KCNMA1: variants seen among roughly 807,000 people sequenced by gnomAD.
KCNMA1 encodes potassium calcium-activated channel subfamily M alpha 1.
A neutral mutation model predicts 140.0 loss-of-function variants in KCNMA1; 29 were observed. The observed-to-expected ratio is 0.21, with a 90% confidence interval of 0.15 to 0.28. The LOEUF is 0.28. Among genes scored for constraint, KCNMA1 ranks in the 10% least tolerant of loss-of-function variants. The probability of loss-of-function intolerance (pLI) is 1.00; values close to 1 mark genes in which losing one functional copy is unlikely to be tolerated. For synonymous variants in KCNMA1, 612 were observed against 611.9 expected (o/e 1.00, Z 0.00); for missense variants, 880 against 1,602.2 (o/e 0.55, Z 7.70).
chr10:77,515,167 A>G (rs2154549233), intron 1 of KCNMA1, among the ~76,000 whole-genome samples: 1 of 152,302 alleles, frequency 6.6e-6, no homozygotes, highest in Admixed American at 6.5e-5. Flanking sequence ...TACAGGAGCC[A>G]GCCTGTTACG....
At chr10:77,235,875 G>C (rs1167733912) in intron 3 of KCNMA1, among the ~76,000 whole-genome samples, 1 of 152,158 alleles carries the variant, frequency 6.6e-6, no homozygotes, top group Admixed American at 6.5e-5. Context: ...GCCTTGTCCT[G>C]AGCTTCTGGG....
At chr10:77,081,092 A>C (rs2096554035) in intron 12 of KCNMA1, among the ~76,000 whole-genome samples, 1 of 152,110 alleles carries the variant, frequency 6.6e-6, no homozygotes. Flanking sequence ...CCCAGGCCTC[A>C]CGTGTCCTCC....
At chr10:77,258,145 G>T (rs888354087) in intron 2 of KCNMA1, among the ~76,000 whole-genome samples, 2 of 152,162 alleles carry the variant, frequency 1.3e-5, no homozygotes, top group Non-Finnish European at 2.9e-5. Context: ...ATTATGAGAT[G>T]GGACCTTGGT....
At chr10:77,542,393 T>A (rs1391480710) in intron 1 of KCNMA1, among the ~76,000 whole-genome samples, 1 of 152,200 alleles carries the variant, frequency 6.6e-6, no homozygotes, top group East Asian at 1.9e-4. Context: ...CCCCTCCCTG[T>A]TTCTTAAAGA....
At chr10:77,090,119 G>C (rs1191257669) in intron 10 of KCNMA1, among the ~76,000 whole-genome samples, 1 of 151,602 alleles carries the variant, frequency 6.6e-6, no homozygotes, top group African/African-American at 2.4e-5. Flanking sequence ...GACCCACAAT[G>C]AGCTCCACTA....
chr10:77,101,344 C>A (rs943018267), intron 9 of KCNMA1, among the ~76,000 whole-genome samples: 12 of 152,108 alleles, frequency 7.9e-5, no homozygotes, highest in Admixed American at 7.2e-4. Context: ...TTTCCCTGTT[C>A]CCAAGAAGTT....
At chr10:77,265,675 G>T (rs1189719229) in intron 2 of KCNMA1, among the ~76,000 whole-genome samples, 1 of 152,160 alleles carries the variant, frequency 6.6e-6, no homozygotes, top group African/African-American at 2.4e-5. Flanking sequence ...TGCCAGCAAG[G>T]TGTTTGGTTT....
intron 1 of KCNMA1, among the ~76,000 whole-genome samples, chr10:77,622,585 C>T (rs1376830062): frequency 6.6e-6 from 1 of 152,334 alleles, no homozygotes; most frequent in Non-Finnish European, 1.5e-5. Context: ...ACCAGACACA[C>T]AGTAATCACT....
chr10:77,231,286 G>A (rs2053496459), intron 3 of KCNMA1, among the ~76,000 whole-genome samples: 1 of 152,140 alleles, frequency 6.6e-6, no homozygotes, highest in Non-Finnish European at 1.5e-5. Context: ...AACAAATTGA[G>A]TATCAGCATG....
At chr10:76,928,148 T>C (rs1425691229) in intron 23 of KCNMA1, among the ~76,000 whole-genome samples, 1 of 152,110 alleles carries the variant, frequency 6.6e-6, no homozygotes, top group South Asian at 2.1e-4. Flanking sequence ...CTCTTACTTA[T>C]GTTATTTGAA....
intron 2 of KCNMA1, chr10:77,354,741 A>T (rs186543274): frequency 1.3e-5 from 2 of 152,340 alleles, no homozygotes; most frequent in Admixed American, 1.3e-4. Context: ...AACTAAGAAG[A>T]GACTACAGAG....
intron 5 of KCNMA1, among the ~76,000 whole-genome samples, chr10:77,125,269 G>A (rs2097707919): frequency 6.6e-6 from 1 of 152,188 alleles, no homozygotes; most frequent in Non-Finnish European, 1.5e-5. Flanking sequence ...CAGAGTAAAA[G>A]TCAAAGTCTT....
chr10:77,389,012 T>G (rs1756201236), intron 2 of KCNMA1, among the ~76,000 whole-genome samples: 1 of 152,260 alleles, frequency 6.6e-6, no homozygotes, highest in Admixed American at 6.5e-5. Flanking sequence ...TGATGTTTTC[T>G]AATTTAGCAT....
chr10:76,895,331 G>A (rs544366657), intron 25 of KCNMA1, among the ~76,000 whole-genome samples: 1 of 152,254 alleles, frequency 6.6e-6, no homozygotes, highest in Admixed American at 6.5e-5. Flanking sequence ...GAGGAGTTTT[G>A]TCTGCAGCTC....
intron 2 of KCNMA1, among the ~76,000 whole-genome samples, chr10:77,300,989 C>T (rs1279292977): frequency 6.6e-6 from 1 of 152,156 alleles, no homozygotes; most frequent in Non-Finnish European, 1.5e-5. Flanking sequence ...TTAAAAGCTC[C>T]CCAGATGGTT....
At chr10:77,069,521 G>A (rs1462329696) in intron 14 of KCNMA1, among the ~76,000 whole-genome samples, 2 of 151,976 alleles carry the variant, frequency 1.3e-5, no homozygotes, top group African/African-American at 4.8e-5. Flanking sequence ...AGTAAATTAA[G>A]GACAAATAGC....
intron 1 of KCNMA1, among the ~76,000 whole-genome samples, chr10:77,619,786 G>T (rs909956028): frequency 2.6e-5 from 4 of 152,204 alleles, no homozygotes; most frequent in African/African-American, 9.6e-5. Context: ...CAGGATGGAA[G>T]GACAAACAGA....
At chr10:76,889,612 T>A in intron 26 of KCNMA1, 43 bp from the exon 27 acceptor site, 1 of 1,466,274 alleles carries the variant, frequency 6.8e-7, no homozygotes. Flanking sequence ...CCTTTTTATT[T>A]GCCTGAAAAT....
intron 23 of KCNMA1, among the ~76,000 whole-genome samples, chr10:76,916,191 T>C (rs767354386): frequency 6.6e-6 from 1 of 152,218 alleles, no homozygotes; most frequent in African/African-American, 2.4e-5. Flanking sequence ...TTATGGCTGA[T>C]CCCTTGAACT....
Sources: allele counts gnomAD v4.1 joint callset (sites outside exome capture counted in the v4.1 genomes callset), GRCh38; gene constraint gnomAD v4.1.1; transcripts MANE v1.5; gene names NCBI Gene and HGNC (gene_info 2026-07-23, HGNC 2026-07-21).